Variants in EML6 observed in about 807,000 individuals in gnomAD.
EML6 encodes the protein echinoderm microtubule-associated protein-like 6.
EML6 carries 154 observed loss-of-function variants against 240.1 expected under a neutral mutation model. The observed-to-expected ratio is 0.64, with a 90% CI of 0.56 to 0.73. The LOEUF is 0.73. EML6 is among the 30% of genes least tolerant of loss of function. The pLI, the probability that EML6 is intolerant of heterozygous loss-of-function variation, is 0.00. For synonymous variants in EML6, 1,148 were observed against 899.0 expected (o/e 1.28, Z -4.95); for missense variants, 2,964 against 2,474.6 (o/e 1.20, Z -4.20).
intron 16 of EML6, among the ~76,000 whole-genome samples, chr2:54,877,808 A>C (rs1053606491): frequency 3.3e-5 from 5 of 152,246 alleles, no homozygotes; most frequent in Admixed American, 6.5e-5. Context: ...GTAACTTTCA[A>C]ATCCTTGCCT....
At chr2:54,803,154 G>T (rs1670272618) in intron 2 of EML6, among the ~76,000 whole-genome samples, 1 of 152,120 alleles carries the variant, frequency 6.6e-6, no homozygotes, top group African/African-American at 2.4e-5. Context: ...GAAGGGAGTT[G>T]TTCTTAACCA....
chr2:54,783,183 G>A lies in EML6; in HGVS notation c.198-30049G>A, dbSNP rs1017312792. 7.9e-5 allele frequency among the ~76,000 whole-genome samples: 12 copies of A among 152,044 alleles called. No individual in the cohort carries two copies. The South Asian group carries it at 2.3e-3, about 29-fold the overall frequency. ...AGAAAATGCTTTATTACAATGCCTG[G>A]GAAATGTCATTTACTGACCTCATGT... On this transcript the variant is annotated intron_variant, in intron 2 of 41. Transcript: ENST00000356458.
At chr2:54,758,783 TTTGCAGGGATGGG>T (rs1251117642) in intron 2 of EML6, among the ~76,000 whole-genome samples, 2 of 152,166 alleles carry the variant, frequency 1.3e-5, no homozygotes, top group Non-Finnish European at 2.9e-5. Flanking sequence ...TTTAAGAGGC[TTTGCAGGGATGGG>T]TTACAGATTG....
At chr2:54,844,593 A>G (rs760162441) in intron 8 of EML6, among the ~76,000 whole-genome samples, 4 of 152,200 alleles carry the variant, frequency 2.6e-5, no homozygotes, top group Admixed American at 2.0e-4. Context: ...AGGGGGCTGC[A>G]TGGAGATTTT....
At chr2:54,735,242 G>T (rs997181266) in intron 2 of EML6, among the ~76,000 whole-genome samples, 1 of 152,168 alleles carries the variant, frequency 6.6e-6, no homozygotes, top group Non-Finnish European at 1.5e-5. Context: ...TCATTGCATC[G>T]TGTTGCATTT....
intron 28 of EML6, among the ~76,000 whole-genome samples, chr2:54,934,306 C>T (rs1389148184): frequency 6.6e-6 from 1 of 152,150 alleles, no homozygotes; most frequent in Non-Finnish European, 1.5e-5. Flanking sequence ...TTGTCATTCT[C>T]ATGGGAAAAT....
chr2:54,945,058 C>G (rs1181800682), intron 28 of EML6, among the ~76,000 whole-genome samples: 1 of 124,804 alleles, frequency 8.0e-6, no homozygotes, highest in South Asian at 3.1e-4. Context: ...CCTCCTCCCT[C>G]TCTGCCTCCC....
chr2:54,952,950 G>A (rs947786490), intron 31 of EML6, among the ~76,000 whole-genome samples: 32 of 152,138 alleles, frequency 2.1e-4, no homozygotes, highest in African/African-American at 6.8e-4. Flanking sequence ...GGACTTGTAA[G>A]AATAGTTTTT....
At chr2:54,898,337 A>G (rs938765196) in intron 21 of EML6, among the ~76,000 whole-genome samples, 2 of 152,154 alleles carry the variant, frequency 1.3e-5, no homozygotes, top group East Asian at 1.9e-4. Context: ...GGGTCCCACA[A>G]TCTTGTTCTT....
intron 16 of EML6, among the ~76,000 whole-genome samples, chr2:54,877,263 T>C (rs979485378): frequency 1.3e-5 from 2 of 152,078 alleles, no homozygotes; most frequent in African/African-American, 4.8e-5. Context: ...GGATTACAGA[T>C]GTGGGCCACT....
chr2:54,793,050 A>G (rs1375103240), intron 2 of EML6, among the ~76,000 whole-genome samples: 1 of 152,142 alleles, frequency 6.6e-6, no homozygotes, highest in Non-Finnish European at 1.5e-5. Flanking sequence ...GGCAGATTGC[A>G]TGAGGCCAGG....
At chr2:54,849,233 G>A (rs1399535734) in intron 9 of EML6, among the ~76,000 whole-genome samples, 2 of 152,064 alleles carry the variant, frequency 1.3e-5, no homozygotes, top group Non-Finnish European at 2.9e-5. Context: ...GTGTAATTGG[G>A]CTATCCATCA....
intron 24 of EML6, among the ~76,000 whole-genome samples, chr2:54,903,885 G>A (rs1330978223): frequency 2.0e-5 from 3 of 152,046 alleles, no homozygotes; most frequent in African/African-American, 4.8e-5. Context: ...TCCACCTCTT[G>A]GAGAACCGCC....
At chr2:54,730,011 C>T (rs1200276010) in intron 2 of EML6, among the ~76,000 whole-genome samples, 3 of 152,090 alleles carry the variant, frequency 2.0e-5, no homozygotes, top group Non-Finnish European at 2.9e-5. Context: ...TGGCAGGTGC[C>T]TGTGGTCCCT....
At chr2:54,828,552 C>T (rs999973141) in intron 6 of EML6, among the ~76,000 whole-genome samples, 1 of 152,186 alleles carries the variant, frequency 6.6e-6, no homozygotes, top group African/African-American at 2.4e-5. Flanking sequence ...AAAGTTTAAG[C>T]AACTCTTAGA....
Position 54,725,045 on chromosome 2 carries a change from C to T in EML6, c.-17C>T. The T allele has an allele frequency of 6.7e-7, 1 of 1,496,140 alleles. No individual in the cohort carries two copies. The highest frequency in any genetic ancestry group is 2.3e-5 in the Admixed American group (1 of 43,760). The allele number at this position is 1,496,140 out of a possible 1,614,324, so 92.7% of individuals were successfully genotyped here. ...CCGGCGCGCGGGGGGGCGGGGGGCG[C>T]GCGGGGTCGGCTTATCATGGCGGAT... On this transcript the variant is annotated 5_prime_UTR_variant, in exon 2 of 42. Transcript: ENST00000356458. The surrounding 1 kb of genome is among the most constrained non-coding windows in gnomAD (Gnocchi z 4.3).
chr2:54,932,587 A>G (rs994386761), intron 28 of EML6, among the ~76,000 whole-genome samples: 6 of 152,140 alleles, frequency 3.9e-5, no homozygotes, highest in East Asian at 3.8e-4. Flanking sequence ...TTGTCCATCT[A>G]CAAACTTAAG....
intron 26 of EML6, among the ~76,000 whole-genome samples, chr2:54,918,206 C>T (rs994872615): frequency 1.3e-5 from 2 of 152,182 alleles, no homozygotes; most frequent in African/African-American, 4.8e-5. Flanking sequence ...AGCATTTTCT[C>T]TCCCTTGCAG....
chr2:54,895,261 C>T lies in EML6; in HGVS notation c.2855-12C>T. The T allele has an allele frequency of 6.4e-7, 1 of 1,551,264 alleles. No homozygotes were observed. Among genetic ancestry groups the T allele is most frequent in the Non-Finnish European group, 8.7e-7 (1 of 1,146,668 alleles). Reference sequence around the variant, plus strand: ...TTTGTTATTGTGTTAAATATACCATCCCCTTCCCCAGGCTTGCTTTTGGAA... The same window carrying T: ...TTTGTTATTGTGTTAAATATACCATTCCCTTCCCCAGGCTTGCTTTTGGAA... On this transcript the variant is annotated splice_polypyrimidine_tract_variant and intron_variant, in intron 20 of 41. Transcript: ENST00000356458.
Sources: gnomAD v4.1 joint callset for allele counts (sites outside exome capture counted in the v4.1 genomes callset) on GRCh38, gnomAD v4.1.1 for gene constraint, Gnocchi (gnomAD v3.1) non-coding constraint, MANE v1.5 for transcripts, NCBI Gene and HGNC (gene_info 2026-07-23, HGNC 2026-07-21) for gene names.